The following DNM2 variants were observed in gnomAD, a reference collection of about 807,000 sequenced individuals.
The protein encoded by DNM2 is dynamin-2.
Under a neutral mutation model 99.0 loss-of-function variants are expected in DNM2, and 15 were observed. That is an observed-to-expected ratio of 0.15 (90% CI 0.10 to 0.23). The LOEUF (loss-of-function observed/expected upper bound fraction) is 0.23. Ranked by LOEUF, DNM2 falls within the 10% of genes least tolerant of loss-of-function variation. The probability of loss-of-function intolerance (pLI) is 1.00; values close to 1 mark genes in which losing one functional copy is unlikely to be tolerated. For missense variants in DNM2, 742 were observed against 1,189.4 expected (o/e 0.62, Z 5.53); for synonymous variants, 525 against 481.2 (o/e 1.09, Z -1.19).
intron 1 of DNM2, among the ~76,000 whole-genome samples, chr19:10,737,035 C>G (rs1222874180): frequency 6.6e-6 from 1 of 152,114 alleles, no homozygotes; most frequent in Admixed American, 6.6e-5. Flanking sequence ...ACAGTCCCAG[C>G]TACTCAGGAG....
chr19:10,757,572 C>T (rs1014440030), intron 1 of DNM2, among the ~76,000 whole-genome samples: 2 of 152,166 alleles, frequency 1.3e-5, no homozygotes, highest in Admixed American at 1.3e-4. Flanking sequence ...GTACAGGGCA[C>T]AGCTGTACAG....
At chr19:10,800,713 C>T (rs1454870893) in intron 11 of DNM2, among the ~76,000 whole-genome samples, 1 of 152,242 alleles carries the variant, frequency 6.6e-6, no homozygotes, top group Non-Finnish European at 1.5e-5. Context: ...CCAGCGCCTC[C>T]TCCCCAGCAG....
At chr19:10,806,096 G>C in intron 13 of DNM2, 129 bp downstream of exon 13, 1 of 1,163,662 alleles carries the variant, frequency 8.6e-7, no homozygotes, top group Admixed American at 2.0e-5. Flanking sequence ...CAGGCCATCT[G>C]CTCTCTCTAG....
Position 10,759,752 on chromosome 19 carries a change from G to T in DNM2, c.176G>T (p.Arg59Leu), listed in dbSNP as rs1568283768. ...CCCCCTCACAGGGACTTCCTTCCCC[G>T]CGGTTCAGGAATCGTCACCCGGCGG... ...ENFVGRDFLPRGSGIVTRRPL... is the reference protein window; with the variant it reads ...ENFVGRDFLPLGSGIVTRRPL... Residue 59 changes from arginine to leucine, a missense_variant, in exon 2 of 21, where the codon CGC becomes CTC. Around this residue, in one of 7 missense-constraint regions of DNM2, gnomAD observed 192 missense variants for 358.9 expected, o/e 0.54. Coordinates refer to ENST00000389253, the MANE Select transcript of DNM2 (RefSeq NM_001005361.3). 2 of 1,613,940 alleles carry T rather than the reference G, an allele frequency of 1.2e-6. No individual in the cohort carries two copies. Among genetic ancestry groups the T allele is most frequent in the Non-Finnish European group, 1.7e-6 (2 of 1,180,016 alleles).
At chr19:10,826,051 A>G (rs2073133623) in intron 18 of DNM2, among the ~76,000 whole-genome samples, 1 of 152,064 alleles carries the variant, frequency 6.6e-6, no homozygotes, top group African/African-American at 2.4e-5. Context: ...CAGCAACAAC[A>G]AATTTGAATG....
chr19:10,795,868 GTCTGCCCTTCCA>G lies in DNM2; in HGVS notation c.1196+432_1196+443del. On this transcript the variant is annotated intron_variant, in intron 9 of 20. Coordinates refer to ENST00000389253, the MANE Select transcript of DNM2 (RefSeq NM_001005361.3). This position sits in a 1 kb window ranked among gnomAD's most constrained non-coding sequence, Gnocchi z 4.2. ...TCTAACAAAGGTAGTTGCTCCAGGT[GTCTGCCCTTCCA>G]TCGCCGTGGGGTCCTCGGGTCACCC... 1.2e-6 allele frequency: 1 copy of G among 823,970 alleles called. No individual in the cohort carries two copies. Among genetic ancestry groups the G allele is most frequent in the Non-Finnish European group, 2.0e-6 (1 of 498,956 alleles). The allele number at this position is 823,970 out of a possible 1,614,324, so 51.0% of individuals were successfully genotyped here.
chr19:10,821,070 C>T (rs2072953316), intron 16 of DNM2, among the ~76,000 whole-genome samples: 1 of 152,144 alleles, frequency 6.6e-6, no homozygotes, highest in Non-Finnish European at 1.5e-5. Flanking sequence ...CACTGACGTC[C>T]TCCCTGCTGG....
chr19:10,790,336 G>A (rs1200653837), intron 7 of DNM2, among the ~76,000 whole-genome samples: 1 of 152,172 alleles, frequency 6.6e-6, no homozygotes, highest in Non-Finnish European at 1.5e-5. Flanking sequence ...ACCGATGCTT[G>A]TAAGTTCATC....
At position 10,820,246 on chromosome 19, in the gene DNM2, T is replaced by C. The variant is rs1173095629; in HGVS notation, c.1781+157T>C. On this transcript the variant is annotated intron_variant, in intron 16 of 20. Transcript: ENST00000389253. This position sits in a 1 kb window ranked among gnomAD's most constrained non-coding sequence, Gnocchi z 4.3. ...GGGGAGTCACGTGAGAAATAGCAAATGCCAGGGATGCTTCCCGTGCTGGGT... is the reference window on the plus strand; with the variant it reads ...GGGGAGTCACGTGAGAAATAGCAAACGCCAGGGATGCTTCCCGTGCTGGGT... Among the ~76,000 whole-genome samples the C allele has an allele frequency of 6.6e-6, 1 of 152,178 alleles. No homozygotes were observed. The highest frequency in any genetic ancestry group is 1.5e-5 in the Non-Finnish European group (1 of 68,026).
At chr19:10,737,902 C>T (rs927483226) in intron 1 of DNM2, among the ~76,000 whole-genome samples, 2 of 152,156 alleles carry the variant, frequency 1.3e-5, no homozygotes, top group Admixed American at 1.3e-4. Context: ...GATAGGTAAT[C>T]GGGGCACCCA....
intron 5 of DNM2, among the ~76,000 whole-genome samples, chr19:10,779,514 T>C (rs2071282727): frequency 1.6e-5 from 2 of 128,232 alleles, no homozygotes; most frequent in Non-Finnish European, 3.3e-5. Flanking sequence ...TTTTTTTTTT[T>C]TTTTTTTTTT....
Position 10,775,639 on chromosome 19 carries a change from G to C in DNM2, c.386-64G>C. On this transcript the variant is annotated intron_variant, in intron 3 of 20. Transcript: ENST00000389253. This position sits in a 1 kb window ranked among gnomAD's most constrained non-coding sequence, Gnocchi z 4.3. ...AACTTTGGTAGTCAGCTGGGTGGCT[G>C]CGGGCCTGTTTGTGCCTCCCCTCTC... is the stretch of plus-strand genomic sequence containing the variant. 6.3e-7 allele frequency: 1 copy of C among 1,587,916 alleles called. No individual in the cohort carries two copies. Among genetic ancestry groups the C allele is most frequent in the Non-Finnish European group, 8.6e-7 (1 of 1,157,160 alleles).
At chr19:10,737,276 TTCCACTGCC>T (rs1305085312) in intron 1 of DNM2, among the ~76,000 whole-genome samples, 1 of 152,102 alleles carries the variant, frequency 6.6e-6, no homozygotes, top group Non-Finnish European at 1.5e-5. Context: ...CACATGCTGC[TTCCACTGCC>T]TGCACTGCCC....
chr19:10,756,529 T>G (rs1225368780), intron 1 of DNM2, among the ~76,000 whole-genome samples: 2 of 152,292 alleles, frequency 1.3e-5, no homozygotes, highest in African/African-American at 2.4e-5. Context: ...AGGCATCAGC[T>G]TGAACTGGGG....
chr19:10,830,520 G>A lies in DNM2; in HGVS notation c.2543+142G>A. 9.6e-7 allele frequency: 1 copy of A among 1,041,104 alleles called. No individual in the cohort carries two copies. The highest frequency in any genetic ancestry group is 1.4e-6 in the Non-Finnish European group (1 of 724,572). The allele number at this position is 1,041,104 out of a possible 1,614,324, so 64.5% of individuals were successfully genotyped here. ...GTCCTCATCCCTATTTGGCTTGCGA[G>A]GAAACAGGCCCAGAGAGGCCAAGAG... On this transcript the variant is annotated intron_variant, in intron 20 of 20. Coordinates refer to ENST00000389253, the MANE Select transcript of DNM2 (RefSeq NM_001005361.3). The surrounding 1 kb of genome is among the most constrained non-coding windows in gnomAD (Gnocchi z 4.8).
chr19:10,816,121 G>T lies in DNM2; in HGVS notation c.1671+3744G>T, dbSNP rs567661100. On this transcript the variant is annotated intron_variant, in intron 15 of 20. Coordinates refer to ENST00000389253, the MANE Select transcript of DNM2 (RefSeq NM_001005361.3). This position sits in a 1 kb window ranked among gnomAD's most constrained non-coding sequence, Gnocchi z 4.6. ...GCCCCACATCATGGAGCGGGGGAGG[G>T]TCCCCCTGGGGTGGAGGCTTCCCCA... is the stretch of plus-strand genomic sequence containing the variant. Among the ~76,000 whole-genome samples, 10 of 152,192 alleles carry T rather than the reference G, an allele frequency of 6.6e-5. No individual in the cohort carries two copies. The South Asian group carries it at 1.5e-3, about 22-fold the overall frequency.
chr19:10,733,681 C>T (rs560784280), intron 1 of DNM2, among the ~76,000 whole-genome samples: 6 of 151,870 alleles, frequency 4.0e-5, no homozygotes, highest in Non-Finnish European at 8.8e-5. Flanking sequence ...GAGTTAAAGC[C>T]CAGCTTTGGC....
intron 17 of DNM2, 70 bp downstream of exon 17, chr19:10,823,969 C>A: frequency 6.8e-7 from 1 of 1,469,218 alleles, no homozygotes; most frequent in East Asian, 2.3e-5. Flanking sequence ...TGGCTTTCCC[C>A]AGGACAGGTC....
intron 8 of DNM2, among the ~76,000 whole-genome samples, chr19:10,794,844 T>G (rs931748861): frequency 6.6e-6 from 1 of 152,234 alleles, no homozygotes; most frequent in Non-Finnish European, 1.5e-5. Flanking sequence ...TGAATTTATA[T>G]TCCCACCAAT....
Sources: allele counts gnomAD v4.1 joint callset (sites outside exome capture counted in the v4.1 genomes callset), GRCh38; gene constraint gnomAD v4.1.1; regional missense constraint gnomAD v4.1.1; non-coding constraint Gnocchi (gnomAD v3.1); transcripts MANE v1.5; gene names NCBI Gene and HGNC (gene_info 2026-07-23, HGNC 2026-07-21).